Variants in SGPP2 observed in about 807,000 individuals in gnomAD.
The protein encoded by SGPP2 is sphingosine-1-phosphate phosphatase 2.
In SGPP2, 30 loss-of-function variants were observed where a neutral mutation model predicts 33.9. The ratio of observed to expected loss-of-function variants is 0.89; its 90% CI spans 0.66 to 1.20. The LOEUF (loss-of-function observed/expected upper bound fraction) is 1.20, where lower values mean the gene tolerates loss of function less well. Ranked by LOEUF, SGPP2 falls within the 50% of genes most tolerant of loss-of-function variation. The pLI is 0.00. For synonymous variants in SGPP2, 233 were observed against 225.0 expected (o/e 1.04, Z -0.32); for missense variants, 458 against 532.1 (o/e 0.86, Z 1.37).
chr2:222,435,014 ATGTGTATATGTGTGTATATATATGTGT>A (rs1697215391), intron 1 of SGPP2, among the ~76,000 whole-genome samples: 1 of 35,624 alleles, frequency 2.8e-5, no homozygotes, highest in African/African-American at 9.4e-5. Flanking sequence ...ACACACACAT[ATGTGTATATGTGTGTATATATATGTGT>A]ATATATATAC....
Position 222,519,075 on chromosome 2 carries a change from G to A in SGPP2, c.379-2692G>A, listed in dbSNP as rs143133422. ...TTATTTTGAAATAGTTCTTCATAGC[G>A]GGTTTTGTTCCAAGCAAGGTAATGC... On this transcript the variant is annotated intron_variant, in intron 2 of 4. Transcript: ENST00000321276. 1.6e-3 allele frequency among the ~76,000 whole-genome samples: 240 copies of A among 152,294 alleles called. 1 individual carries two copies. The highest frequency in any genetic ancestry group is 0.013 in the Admixed American group (192 of 15,298).
At chr2:222,466,400 A>G (rs1697746652) in intron 1 of SGPP2, among the ~76,000 whole-genome samples, 1 of 151,904 alleles carries the variant, frequency 6.6e-6, no homozygotes, top group South Asian at 2.1e-4. Flanking sequence ...CTGGGACTAC[A>G]AGCGCATGCC....
intron 2 of SGPP2, among the ~76,000 whole-genome samples, chr2:222,486,879 A>G (rs898263699): frequency 1.3e-5 from 2 of 152,012 alleles, no homozygotes; most frequent in African/African-American, 2.4e-5. Context: ...AACAAATTTC[A>G]TTTTTCATTT....
At chr2:222,443,350 G>A (rs530430937) in intron 1 of SGPP2, among the ~76,000 whole-genome samples, 1 of 152,194 alleles carries the variant, frequency 6.6e-6, no homozygotes, top group Non-Finnish European at 1.5e-5. Flanking sequence ...TACCTGATGA[G>A]TCATTTTTCA....
In SGPP2 at chr2:222,561,203, G is replaced by A. The variant is rs112236399; in HGVS notation, c.*2305G>A. Among the ~76,000 whole-genome samples the A allele has an allele frequency of 0.031, 4,702 of 151,966 alleles. 117 individuals carry two copies. Among genetic ancestry groups the A allele is most frequent in the African/African-American group, 0.068 (2,811 of 41,460 alleles). On this transcript the variant is annotated 3_prime_UTR_variant, in exon 5 of 5. Coordinates refer to ENST00000321276, the MANE Select transcript of SGPP2 (RefSeq NM_152386.4). Reference sequence around the variant, plus strand: ...AAGGCAAAGATCAAGATGACCTGCCGTTTGACTGCTTTTACATCAAACTCT... The same window carrying A: ...AAGGCAAAGATCAAGATGACCTGCCATTTGACTGCTTTTACATCAAACTCT...
chr2:222,539,120 C>T (rs1698956592), intron 4 of SGPP2, among the ~76,000 whole-genome samples: 1 of 152,190 alleles, frequency 6.6e-6, no homozygotes, highest in Admixed American at 6.6e-5. Flanking sequence ...CAAGTCCCTT[C>T]CGTCTAGGAG....
At chr2:222,518,346 G>A (rs905112144) in intron 2 of SGPP2, among the ~76,000 whole-genome samples, 2 of 152,204 alleles carry the variant, frequency 1.3e-5, no homozygotes, top group African/African-American at 2.4e-5. Flanking sequence ...AACTTTATCT[G>A]AAGGAGAGTC....
intron 1 of SGPP2, among the ~76,000 whole-genome samples, chr2:222,432,486 G>A (rs753982327): frequency 2.6e-4 from 39 of 152,324 alleles, no homozygotes; most frequent in Non-Finnish European, 4.7e-4. Flanking sequence ...AGGCTGGTCA[G>A]CATTTTATGA....
rs1342976077 is a variant in SGPP2, at chr2:222,465,354, A to T, written c.220-9214A>T. Among the ~76,000 whole-genome samples the T allele has an allele frequency of 6.6e-6, 1 of 152,178 alleles. No homozygotes were observed. The highest frequency in any genetic ancestry group is 1.9e-4 in the East Asian group (1 of 5,198). Reference sequence around the variant, plus strand: ...GTTTTCTCCTTCAAGGGACACTGTCAGTCTTTCTTAGGCTTCCTGAGTAAT... The same window carrying T: ...GTTTTCTCCTTCAAGGGACACTGTCTGTCTTTCTTAGGCTTCCTGAGTAAT... On this transcript the variant is annotated intron_variant, in intron 1 of 4. Coordinates refer to ENST00000321276, the MANE Select transcript of SGPP2 (RefSeq NM_152386.4). The surrounding 1 kb of genome is among the most constrained non-coding windows in gnomAD (Gnocchi z 4.1).
chr2:222,452,605 C>A, intron 1 of SGPP2: 14 of 1,331,948 alleles, frequency 1.1e-5, no homozygotes, highest in Non-Finnish European at 1.4e-5. Flanking sequence ...CTGTTCCAGG[C>A]CTGATTGTTC....
intron 2 of SGPP2, among the ~76,000 whole-genome samples, chr2:222,489,421 A>G (rs1203884187): frequency 2.6e-5 from 4 of 152,168 alleles, no homozygotes; most frequent in African/African-American, 4.8e-5. Context: ...TAAGAAAAAA[A>G]AAAAAAGATC....
At chr2:222,494,989 G>A (rs1383100435) in intron 2 of SGPP2, among the ~76,000 whole-genome samples, 3 of 152,132 alleles carry the variant, frequency 2.0e-5, no homozygotes, top group African/African-American at 7.2e-5. Flanking sequence ...CCAAGATCGC[G>A]CCACTGCACT....
intron 4 of SGPP2, among the ~76,000 whole-genome samples, chr2:222,536,687 A>C (rs968505765): frequency 6.6e-6 from 1 of 152,198 alleles, no homozygotes; most frequent in Non-Finnish European, 1.5e-5. Flanking sequence ...CTCCAAAAAA[A>C]ATAAAAAAAT....
chr2:222,541,761 G>A (rs986187148), intron 4 of SGPP2, among the ~76,000 whole-genome samples: 3 of 151,900 alleles, frequency 2.0e-5, no homozygotes, highest in Non-Finnish European at 4.4e-5. Flanking sequence ...TTACAGGCAT[G>A]TACCACCATG....
chr2:222,490,643 CTA>C (rs1330216133), intron 2 of SGPP2, among the ~76,000 whole-genome samples: 1 of 147,790 alleles, frequency 6.8e-6, no homozygotes, highest in African/African-American at 2.6e-5. Flanking sequence ...CAAGGTCTCA[CTA>C]TGTTACCCAG....
intron 1 of SGPP2, among the ~76,000 whole-genome samples, chr2:222,473,043 TAAAC>T (rs930582337): frequency 5.9e-5 from 9 of 152,024 alleles, no homozygotes; most frequent in African/African-American, 1.9e-4. Flanking sequence ...AAATAAAAAA[TAAAC>T]AAAGTTAAAC....
At chr2:222,453,055 G>A (rs1364891160) in intron 1 of SGPP2, 16 of 1,434,062 alleles carry the variant, frequency 1.1e-5, no homozygotes, top group Admixed American at 5.0e-5. Flanking sequence ...TTCTTTTGTG[G>A]CGCTATTCTC....
At chr2:222,463,837 T>C (rs1218915728) in intron 1 of SGPP2, among the ~76,000 whole-genome samples, 3 of 152,244 alleles carry the variant, frequency 2.0e-5, no homozygotes, top group Non-Finnish European at 4.4e-5. Context: ...TATGCCTGAA[T>C]AATTTTCTTA....
rs532350091 is a variant in SGPP2, at chr2:222,527,356, G to A, written c.648+2323G>A. Among the ~76,000 whole-genome samples the A allele has an allele frequency of 7.2e-5, 11 of 152,328 alleles. No individual in the cohort carries two copies. The South Asian group carries it at 2.3e-3, about 32-fold the overall frequency. ...GATGGTTTGGAACTGAACCCGCTGTGACTCTGAGTTAGGCCTGGATGTCAC... is the reference window on the plus strand; with the variant it reads ...GATGGTTTGGAACTGAACCCGCTGTAACTCTGAGTTAGGCCTGGATGTCAC... On this transcript the variant is annotated intron_variant, in intron 4 of 4. Transcript: ENST00000321276.
Sources: gnomAD v4.1 joint callset for allele counts (sites outside exome capture counted in the v4.1 genomes callset) on GRCh38, gnomAD v4.1.1 for gene constraint, Gnocchi (gnomAD v3.1) non-coding constraint, MANE v1.5 for transcripts, NCBI Gene and HGNC (gene_info 2026-07-23, HGNC 2026-07-21) for gene names.